STON2: variants seen among roughly 807,000 people sequenced by gnomAD.
STON2 encodes the protein stonin 2.
STON2 carries 29 observed loss-of-function variants against 65.7 expected under a neutral mutation model. The ratio of observed to expected loss-of-function variants is 0.44; its 90% CI spans 0.33 to 0.60. The LOEUF (loss-of-function observed/expected upper bound fraction) is 0.60, where lower values mean the gene tolerates loss of function less well. Ranked by LOEUF, STON2 falls within the 20% of genes least tolerant of loss-of-function variation. STON2 has a pLI of 0.03. For synonymous variants in STON2, 404 were observed against 414.2 expected, an observed-to-expected ratio of 0.98 and a Z score of 0.30; for missense variants, 1,054 against 1,118.1, an observed-to-expected ratio of 0.94 and a Z score of 0.82.
At chr14:81,414,487 T>C (rs957472058) in intron 2 of STON2, among the ~76,000 whole-genome samples, 2 of 151,604 alleles carry the variant, frequency 1.3e-5, no homozygotes, top group African/African-American at 4.9e-5. Flanking sequence ...AGATAGGGAG[T>C]GCTGCTGTGC....
chr14:81,295,009 G>A (rs555611232), intron 5 of STON2, among the ~76,000 whole-genome samples: 14 of 152,286 alleles, frequency 9.2e-5, no homozygotes, highest in Non-Finnish European at 1.9e-4. Flanking sequence ...TGCCGGGTGG[G>A]CAGTTATTGC....
intron 4 of STON2, among the ~76,000 whole-genome samples, chr14:81,343,905 AG>A (rs1336709009): frequency 1.3e-5 from 2 of 152,218 alleles, no homozygotes; most frequent in Non-Finnish European, 2.9e-5. Context: ...ATCACAGAGC[AG>A]GGAAGTGTTA....
At chr14:81,305,773 T>C (rs952287335) in intron 5 of STON2, among the ~76,000 whole-genome samples, 1 of 152,224 alleles carries the variant, frequency 6.6e-6, no homozygotes, top group Non-Finnish European at 1.5e-5. Context: ...GTTTAAGATA[T>C]ATTTTTAAGG....
At chr14:81,284,429 A>G (rs1160877061) in intron 5 of STON2, among the ~76,000 whole-genome samples, 1 of 152,258 alleles carries the variant, frequency 6.6e-6, no homozygotes, top group Non-Finnish European at 1.5e-5. Context: ...CTTAAGCCAG[A>G]GCCTAATTCA....
chr14:81,431,424 G>A (rs566654828), intron 1 of STON2, among the ~76,000 whole-genome samples: 5 of 152,182 alleles, frequency 3.3e-5, no homozygotes, highest in South Asian at 2.1e-4. Flanking sequence ...GATCACTTGC[G>A]GTCAGGAGTT....
In STON2 at chr14:81,395,984, G is replaced by C. The variant is rs1444911852; in HGVS notation, c.283C>G (p.Leu95Val). 1 of 1,614,226 alleles carries C rather than the reference G, an allele frequency of 6.2e-7. No individual in the cohort carries two copies. Among genetic ancestry groups the C allele is most frequent in the African/African-American group, 1.3e-5 (1 of 75,064 alleles). ...ACCCAGTTGCTGATGGCCGAGGCCA[G>C]GTCAGGTGGGGGCTGCTCAGGGCTC... Reference protein sequence around the residue: ...PGSPEQPPPDLASAISNWVQF... With the variant: ...PGSPEQPPPDVASAISNWVQF... Residue 95 changes from leucine to valine, a missense_variant, in exon 3 of 8, where the codon CTG becomes GTG. Transcript: ENST00000614646.
rs972185615 is a variant in STON2 at position 81,434,951 on chromosome 14, T to C, written c.-310+1370A>G. On this transcript the variant is annotated intron_variant, in intron 1 of 8. Transcript: ENST00000553821. ...CATTTTTGCTGTGTGGTTGAGTTTTTTTTCTCTCTCTCTCTTTCTCCCTCC... is the reference window on the plus strand; with the variant it reads ...CATTTTTGCTGTGTGGTTGAGTTTTCTTTCTCTCTCTCTCTTTCTCCCTCC... Among the ~76,000 whole-genome samples, 8 of 152,262 alleles carry C rather than the reference T, an allele frequency of 5.3e-5. No homozygotes were observed. The South Asian group carries it at 1.7e-3, about 32-fold the overall frequency.
At chr14:81,306,553 A>C (rs1489520578) in intron 5 of STON2, 2 of 151,962 alleles carry the variant, frequency 1.3e-5, no homozygotes, top group Non-Finnish European at 2.9e-5. Flanking sequence ...TGCCTGGCTG[A>C]TGTTCTCTAT....
At chr14:81,275,589 A>G (rs1894782460) in intron 6 of STON2, among the ~76,000 whole-genome samples, 1 of 152,144 alleles carries the variant, frequency 6.6e-6, no homozygotes, top group South Asian at 2.1e-4. Context: ...TGCTGATTTC[A>G]GGGGAAATGA....
At chr14:81,296,253 A>C (rs911841279) in intron 5 of STON2, among the ~76,000 whole-genome samples, 1 of 152,188 alleles carries the variant, frequency 6.6e-6, no homozygotes, top group African/African-American at 2.4e-5. Context: ...GGAATACAGG[A>C]TATGTGAAAA....
chr14:81,329,454 CAAAAAA>C (rs56370265), intron 4 of STON2, among the ~76,000 whole-genome samples: 2 of 118,500 alleles, frequency 1.7e-5, no homozygotes, highest in Non-Finnish European at 1.8e-5. Flanking sequence ...GACTCTGTCT[CAAAAAA>C]AAAAAAAAAA....
chr14:81,391,360 A>C (rs1292554411), intron 3 of STON2, among the ~76,000 whole-genome samples: 2 of 152,230 alleles, frequency 1.3e-5, no homozygotes, highest in Non-Finnish European at 2.9e-5. Flanking sequence ...TTTGGATTCA[A>C]ATTAAAATCT....
At chr14:81,352,454 C>T (rs76347211) in intron 4 of STON2, among the ~76,000 whole-genome samples, 1 of 152,258 alleles carries the variant, frequency 6.6e-6, no homozygotes, top group Non-Finnish European at 1.5e-5. Context: ...TTGATGGACC[C>T]TCTGGATTCC....
chr14:81,285,769 G>A (rs922351832), intron 5 of STON2, among the ~76,000 whole-genome samples: 14 of 152,146 alleles, frequency 9.2e-5, no homozygotes, highest in Non-Finnish European at 1.8e-4. Flanking sequence ...TTACTACCTG[G>A]GTGACAGGAT....
At position 81,270,791 on chromosome 14, in the gene STON2, A is replaced by G; in HGVS notation, c.2663T>C (p.Val888Ala). 6.2e-7 allele frequency: 1 copy of G among 1,614,130 alleles called. No individual in the cohort carries two copies. Among genetic ancestry groups the G allele is most frequent in the Non-Finnish European group, 8.5e-7 (1 of 1,180,028 alleles). The part of the protein sequence containing the change: ...REVPSRFANH[V>A]NVEFSMPTTS... ...TGTGGGCATGCTGAACTCGACATTC[A>G]CGTGATTGGCAAATCTGGAAGGCAC... is the stretch of plus-strand genomic sequence containing the variant. The change falls in exon 7 of 8, where the codon GTG (valine) becomes GCG (alanine). Residue 888 changes from valine (V) to alanine (A), a missense_variant. Transcript: ENST00000614646.
At chr14:81,340,243 T>C (rs1897549466) in intron 4 of STON2, among the ~76,000 whole-genome samples, 1 of 151,990 alleles carries the variant, frequency 6.6e-6, no homozygotes, top group East Asian at 1.9e-4. Context: ...TTCTTGAAAA[T>C]GCAAACTAAT....
intron 5 of STON2, among the ~76,000 whole-genome samples, chr14:81,306,220 CT>C (rs59730707): frequency 0.41 from 27,912 of 68,752 alleles, 7,539 homozygotes; most frequent in Admixed American, 0.45. Context: ...CATACATACT[CT>C]TTTTTTTTTT....
rs1298887640 is a variant in STON2, at chr14:81,381,543, A to G, written c.374-10358T>C. ...AAGAAAAATCCAAATGGCACCAAAA[A>G]AGGATGCTCTCAACCTTGTTAGTAA... On this transcript the variant is annotated intron_variant, in intron 3 of 7. Transcript: ENST00000614646. Among the ~76,000 whole-genome samples the G allele has an allele frequency of 4.9e-5, 5 of 102,134 alleles. No homozygotes were observed. The East Asian group carries it at 2.2e-3, about 44-fold the overall frequency. The allele number at this position is 102,134 out of a possible 152,430, so 67.0% of individuals were successfully genotyped here. A position where few individuals can be genotyped will look rare whatever the true frequency, so the allele number is the denominator to read the frequency against.
At chr14:81,324,462 T>C (rs781721989) in intron 4 of STON2, among the ~76,000 whole-genome samples, 5 of 152,402 alleles carry the variant, frequency 3.3e-5, no homozygotes, top group Non-Finnish European at 7.3e-5. Context: ...GGCAGTGCTT[T>C]AGCACACATC....
Sources: allele counts gnomAD v4.1 joint callset (sites outside exome capture counted in the v4.1 genomes callset), GRCh38; gene constraint gnomAD v4.1.1; transcripts MANE v1.5; gene names NCBI Gene and HGNC (gene_info 2026-07-23, HGNC 2026-07-21).